The following SYT9 variants were observed in gnomAD, a reference collection of about 807,000 sequenced individuals.
SYT9 encodes synaptotagmin-9.
Under a neutral mutation model 48.4 loss-of-function variants are expected in SYT9, and 22 were observed. The ratio of observed to expected loss-of-function variants is 0.45; its 90% confidence interval spans 0.32 to 0.65. The LOEUF is 0.65. Among genes scored for constraint, SYT9 ranks in the 30% least tolerant of loss-of-function variants. SYT9 has a pLI of 0.03. For missense variants in SYT9, 577 were observed against 622.0 expected (o/e 0.93, Z 0.77); for synonymous variants, 265 against 245.0 (o/e 1.08, Z -0.76).
intron 3 of SYT9, among the ~76,000 whole-genome samples, chr11:7,318,274 T>C (rs1031023302): frequency 3.3e-5 from 5 of 152,210 alleles, no homozygotes; most frequent in South Asian, 2.1e-4. Context: ...TAAAATTCTT[T>C]ATGTTAATAT....
At chr11:7,365,356 G>A (rs534292252) in intron 3 of SYT9, among the ~76,000 whole-genome samples, 2 of 152,280 alleles carry the variant, frequency 1.3e-5, no homozygotes, top group Admixed American at 6.5e-5. Context: ...TTTCTCAGCC[G>A]AAAGGAAGAA....
chr11:7,458,114 A>G (rs184358737), intron 6 of SYT9, among the ~76,000 whole-genome samples: 7 of 152,350 alleles, frequency 4.6e-5, no homozygotes, highest in Admixed American at 3.9e-4. Flanking sequence ...ATAGTCAAAA[A>G]TCTTTGCTCT....
intron 3 of SYT9, among the ~76,000 whole-genome samples, chr11:7,400,090 C>T (rs929270155): frequency 2.0e-4 from 31 of 152,202 alleles, no homozygotes; most frequent in African/African-American, 7.2e-4. Context: ...TCAGGGTATG[C>T]TTAGATCAGT....
At position 7,420,616 on chromosome 11, in the gene SYT9, A is replaced by G; in HGVS notation, c.1448A>G (p.His483Arg). 6.2e-7 allele frequency: 1 copy of G among 1,614,208 alleles called. No individual in the cohort carries two copies. Among genetic ancestry groups the G allele is most frequent in the Non-Finnish European group, 8.5e-7 (1 of 1,180,026 alleles). The change falls in exon 6 of 7, where the codon CAC becomes CGC. Residue 483 changes from histidine (H) to arginine (R), a missense_variant. Transcript: ENST00000318881. The stretch of plus-strand genomic sequence containing the variant: ...TCATATCCTCGGAAGCCCATTGCAC[A>G]CTGGCATTCCCTGGTGGAGGTAAGA... ...MLSYPRKPIAHWHSLVEKR is the reference protein window; with the variant it reads ...MLSYPRKPIARWHSLVEKR
intron 1 of SYT9, among the ~76,000 whole-genome samples, chr11:7,285,117 T>C (rs576236920): frequency 2.0e-5 from 3 of 152,260 alleles, no homozygotes; most frequent in East Asian, 1.9e-4. Context: ...ACCTATTTCA[T>C]AGGAATTTGG....
At chr11:7,377,662 A>T (rs1850479071) in intron 3 of SYT9, among the ~76,000 whole-genome samples, 2 of 152,144 alleles carry the variant, frequency 1.3e-5, no homozygotes, top group South Asian at 4.1e-4. Flanking sequence ...GAAACATTGC[A>T]TGGAAAAGGG....
chr11:7,307,195 C>T (rs1271380816), intron 2 of SYT9, among the ~76,000 whole-genome samples: 1 of 152,168 alleles, frequency 6.6e-6, no homozygotes, highest in Non-Finnish European at 1.5e-5. Flanking sequence ...AGATAACCAT[C>T]ACACTCTAAA....
chr11:7,320,164 T>G (rs1480138297), intron 3 of SYT9, among the ~76,000 whole-genome samples: 1 of 152,238 alleles, frequency 6.6e-6, no homozygotes, highest in Non-Finnish European at 1.5e-5. Flanking sequence ...CATTAGGACA[T>G]TCAGCTGAGG....
rs150053752 is a variant in SYT9, at chr11:7,261,780, A to G, written c.145+9449A>G. 2.7e-3 allele frequency among the ~76,000 whole-genome samples: 416 copies of G among 152,246 alleles called. 4 individuals carry two copies. The highest frequency in any genetic ancestry group is 0.014 in the Middle Eastern group (4 of 294). On this transcript the variant is annotated intron_variant, in intron 1 of 6. Transcript: ENST00000318881. The stretch of plus-strand genomic sequence containing the variant: ...AGGAGCATGCTTGACGTGTTCAGAT[A>G]TTAGCCAAGGGTTAGTATGACTGTA...
At chr11:7,312,705 T>G (rs190404399) in intron 2 of SYT9, among the ~76,000 whole-genome samples, 1 of 152,244 alleles carries the variant, frequency 6.6e-6, no homozygotes, top group Admixed American at 6.5e-5. Flanking sequence ...CTTTAATTTT[T>G]GAGCCATTAG....
At chr11:7,423,090 A>G (rs573500085) in intron 6 of SYT9, among the ~76,000 whole-genome samples, 1 of 152,208 alleles carries the variant, frequency 6.6e-6, no homozygotes, top group Non-Finnish European at 1.5e-5. Context: ...AGAACTAAGG[A>G]AATGAAATGC....
intron 1 of SYT9, among the ~76,000 whole-genome samples, chr11:7,286,461 G>A (rs893631193): frequency 1.3e-5 from 2 of 152,236 alleles, no homozygotes; most frequent in East Asian, 3.9e-4. Flanking sequence ...CTCAAGGCCT[G>A]TGATGGAAGG....
intron 3 of SYT9, among the ~76,000 whole-genome samples, chr11:7,405,298 T>A (rs1846985145): frequency 6.6e-6 from 1 of 152,082 alleles, no homozygotes; most frequent in African/African-American, 2.4e-5. Flanking sequence ...CCACTAGATA[T>A]CAGTAACACA....
chr11:7,360,341 T>G (rs1435763478), intron 3 of SYT9, among the ~76,000 whole-genome samples: 2 of 152,190 alleles, frequency 1.3e-5, no homozygotes, highest in Non-Finnish European at 2.9e-5. Flanking sequence ...GCGGGCTCTT[T>G]TTTGGTTCCA....
chr11:7,363,365 G>A (rs1286056156), intron 3 of SYT9, among the ~76,000 whole-genome samples: 1 of 152,120 alleles, frequency 6.6e-6, no homozygotes, highest in Non-Finnish European at 1.5e-5. Flanking sequence ...TCTGACATTA[G>A]CATCTAGGTA....
chr11:7,396,063 A>T (rs1846745471), intron 3 of SYT9, among the ~76,000 whole-genome samples: 1 of 152,122 alleles, frequency 6.6e-6, no homozygotes, highest in Non-Finnish European at 1.5e-5. Flanking sequence ...GCTTGTCCTC[A>T]GAACTATTTT....
chr11:7,440,555 T>C (rs1847812080), intron 6 of SYT9: 1 of 152,238 alleles, frequency 6.6e-6, no homozygotes, highest in Admixed American at 6.5e-5. Context: ...CTGCTTCTCA[T>C]GGACATAAAC....
intron 4 of SYT9, among the ~76,000 whole-genome samples, chr11:7,416,801 T>C (rs1034257448): frequency 6.6e-6 from 1 of 152,178 alleles, no homozygotes; most frequent in Non-Finnish European, 1.5e-5. Context: ...AGTACTCTCT[T>C]GGGTCTCCCT....
upstream of SYT9, among the ~76,000 whole-genome samples, chr11:7,249,656 T>A (rs1484214083): frequency 6.6e-6 from 1 of 152,212 alleles, no homozygotes; most frequent in Non-Finnish European, 1.5e-5. Flanking sequence ...AAAACACATA[T>A]TGGTTGAGCC....
Sources: gnomAD v4.1 joint callset for allele counts (sites outside exome capture counted in the v4.1 genomes callset) on GRCh38, gnomAD v4.1.1 for gene constraint, MANE v1.5 for transcripts, NCBI Gene and HGNC (gene_info 2026-07-23, HGNC 2026-07-21) for gene names.